EPN1: variants seen among roughly 807,000 people sequenced by gnomAD.
EPN1 encodes epsin-1.
In EPN1, 25 loss-of-function variants were observed where a neutral mutation model predicts 56.9. That is an observed-to-expected ratio of 0.44 (90% CI 0.32 to 0.61). The LOEUF is 0.61. Ranked by LOEUF, EPN1 falls within the 20% of genes least tolerant of loss-of-function variation. The pLI, the probability that EPN1 is intolerant of heterozygous loss-of-function variation, is 0.05. For missense variants in EPN1, 785 were observed against 823.7 expected (o/e 0.95, Z 0.58); for synonymous variants, 411 against 361.8 (o/e 1.14, Z -1.54).
rs1987147229 is a variant in EPN1 at position 55,701,656 on chromosome 19, G to A, written c.*6300G>A. On this transcript the variant is annotated 3_prime_UTR_variant, in exon 11 of 11. Coordinates refer to ENST00000270460, the MANE Select transcript of EPN1 (RefSeq NM_001130072.2). Reference sequence around the variant, plus strand: ...GAGCTTTCGGGACCCTGCCTGGCTTGTTCCTGTAAAACGGTCTTGTCTGTG... The same window carrying A: ...GAGCTTTCGGGACCCTGCCTGGCTTATTCCTGTAAAACGGTCTTGTCTGTG... The A allele has an allele frequency of 6.6e-6, 1 of 152,094 alleles. No individual in the cohort carries two copies. The highest frequency in any genetic ancestry group is 1.5e-5 in the Non-Finnish European group (1 of 68,032). The allele number at this position is 152,094 out of a possible 1,614,324, so 9.4% of individuals were successfully genotyped here.
rs1324277673 is a variant in EPN1, at chr19:55,706,299, T to TTTTTTTTTTTTTTTTTTTTTTA, written c.*10943_*10944insTTTTTTTTTTTTTTTTTTTTTA. 4.5e-5 allele frequency: 7 copies of TTTTTTTTTTTTTTTTTTTTTTA among 154,888 alleles called. No individual in the cohort carries two copies. Among genetic ancestry groups the TTTTTTTTTTTTTTTTTTTTTTA allele is most frequent in the African/African-American group, 1.5e-4 (6 of 39,352 alleles). The allele number at this position is 154,888 out of a possible 1,614,324, so 9.6% of individuals were successfully genotyped here. ...TTTCTTCTTCTTTTTTTTTTTTTTT[T>TTTTTTTTTTTTTTTTTTTTTTA]AAAAGACCGTGTTTCGCTCTGTCAC... On this transcript the variant is annotated 3_prime_UTR_variant, in exon 11 of 11. Coordinates refer to ENST00000270460, the MANE Select transcript of EPN1 (RefSeq NM_001130072.2).
rs772143341 is a variant in EPN1, at chr19:55,695,797, G to C, written c.*441G>C. The C allele has an allele frequency of 4.9e-5, 8 of 163,782 alleles. No individual in the cohort carries two copies. Among genetic ancestry groups the C allele is most frequent in the Non-Finnish European group, 1.1e-4 (8 of 75,710 alleles). 10.1% of individuals were successfully genotyped at this position (163,782 alleles called of 1,614,324 possible). On this transcript the variant is annotated 3_prime_UTR_variant, in exon 11 of 11. Coordinates refer to ENST00000270460, the MANE Select transcript of EPN1 (RefSeq NM_001130072.2). The surrounding 1 kb of genome is among the most constrained non-coding windows in gnomAD (Gnocchi z 4.4). ...CAGATTCCCATCTGTGATTTCGTGTGTCCCCCAGAGCCCCTTCATCCAGGG... is the reference window on the plus strand; with the variant it reads ...CAGATTCCCATCTGTGATTTCGTGTCTCCCCCAGAGCCCCTTCATCCAGGG...
Position 55,692,964 on chromosome 19 carries a change from C to G in EPN1, c.1191C>G (p.Phe397Leu), listed in dbSNP as rs202102235. The G allele has an allele frequency of 6.2e-7, 1 of 1,613,318 alleles. No individual in the cohort carries two copies. The highest frequency in any genetic ancestry group is 8.5e-7 in the Non-Finnish European group (1 of 1,179,738). The change falls in exon 9 of 11, where the codon TTC (phenylalanine) becomes TTG (leucine). Residue 397 changes from phenylalanine (F) to leucine (L), a missense_variant. Physicochemically the swap from Phe to Leu is conservative, Grantham distance 22. Coordinates refer to ENST00000270460, the MANE Select transcript of EPN1 (RefSeq NM_001130072.2). ...CTGACCCCACAGCAGCCGGGGGATTCGACACGGAGCCCGACGAGTTCTCTG... is the reference window on the plus strand; with the variant it reads ...CTGACCCCACAGCAGCCGGGGGATTGGACACGGAGCCCGACGAGTTCTCTG... ...STNGTTAAGG[F>L]DTEPDEFSDF...
chr19:55,702,973 G>T lies in EPN1; in HGVS notation c.*7617G>T, dbSNP rs918724693. Reference sequence around the variant, plus strand: ...CCACGCCCGGCTAAGCTAATTTTTTGTATTGTTAGTAGAGACGGGGTTTCA... The same window carrying T: ...CCACGCCCGGCTAAGCTAATTTTTTTTATTGTTAGTAGAGACGGGGTTTCA... On this transcript the variant is annotated 3_prime_UTR_variant, in exon 11 of 11. Coordinates refer to ENST00000270460, the MANE Select transcript of EPN1 (RefSeq NM_001130072.2). 6.6e-6 allele frequency: 1 copy of T among 151,930 alleles called. No homozygotes were observed. The highest frequency in any genetic ancestry group is 1.5e-5 in the Non-Finnish European group (1 of 67,998). 9.4% of individuals were successfully genotyped at this position (151,930 alleles called of 1,614,324 possible).
In EPN1 at chr19:55,705,727, C is replaced by T. The variant is rs1186880247; in HGVS notation, c.*10371C>T. ...AAGGTAGAGAAAATCTTGAAAGTATCGAGAAAATGACATGTCAATCATAAG... is the reference window on the plus strand; with the variant it reads ...AAGGTAGAGAAAATCTTGAAAGTATTGAGAAAATGACATGTCAATCATAAG... On this transcript the variant is annotated 3_prime_UTR_variant, in exon 11 of 11. Coordinates refer to ENST00000270460, the MANE Select transcript of EPN1 (RefSeq NM_001130072.2). 2 of 150,460 alleles carry T rather than the reference C, an allele frequency of 1.3e-5. No homozygotes were observed. The highest frequency in any genetic ancestry group is 1.9e-4 in the East Asian group (1 of 5,130). 9.3% of individuals were successfully genotyped at this position (150,460 alleles called of 1,614,324 possible).
chr19:55,681,063 G>C (rs1299175752), intron 2 of EPN1, among the ~76,000 whole-genome samples: 1 of 152,254 alleles, frequency 6.6e-6, no homozygotes, highest in Non-Finnish European at 1.5e-5. Context: ...GGGCCCATCT[G>C]TTCAGAGCCC....
intron 6 of EPN1, among the ~76,000 whole-genome samples, chr19:55,690,395 G>A (rs1341178047): frequency 6.6e-6 from 1 of 152,256 alleles, no homozygotes; most frequent in Admixed American, 6.5e-5. Flanking sequence ...CCGCCCTCGC[G>A]AACACTGTTT....
rs1234883573 is a variant in EPN1, at chr19:55,689,114, G to A, written c.603+120G>A. 3.6e-6 allele frequency: 5 copies of A among 1,370,498 alleles called. No individual in the cohort carries two copies. Among genetic ancestry groups the A allele is most frequent in the African/African-American group, 1.4e-5 (1 of 69,058 alleles). The allele number at this position is 1,370,498 out of a possible 1,614,324, so 84.9% of individuals were successfully genotyped here. A position where few individuals can be genotyped will look rare whatever the true frequency, so the allele number is the denominator to read the frequency against. ...GTCGCTGCTCCACATGCTGTCACTCGTCTCCTCCCCAGTCCTGCCTCATCC... is the reference window on the plus strand; with the variant it reads ...GTCGCTGCTCCACATGCTGTCACTCATCTCCTCCCCAGTCCTGCCTCATCC... On this transcript the variant is annotated intron_variant, in intron 4 of 10. Transcript: ENST00000270460. The surrounding 1 kb of genome is among the most constrained non-coding windows in gnomAD (Gnocchi z 5.7).
At chr19:55,686,970 C>T (rs1330680878) in intron 3 of EPN1, among the ~76,000 whole-genome samples, 4 of 152,072 alleles carry the variant, frequency 2.6e-5, no homozygotes, top group East Asian at 1.9e-4. Context: ...CTCTGCGTTG[C>T]TGGCCACGCC....
chr19:55,680,109 C>T (rs1458638078), intron 2 of EPN1, among the ~76,000 whole-genome samples: 3 of 152,192 alleles, frequency 2.0e-5, no homozygotes, highest in Middle Eastern at 3.4e-3. Flanking sequence ...CCAGGGTGGA[C>T]GGCAGGACAG....
chr19:55,708,479 C>G lies in EPN1; in HGVS notation c.*13123C>G, dbSNP rs903237414. On this transcript the variant is annotated 3_prime_UTR_variant, in exon 11 of 11. Coordinates refer to ENST00000270460, the MANE Select transcript of EPN1 (RefSeq NM_001130072.2). The stretch of plus-strand genomic sequence containing the variant: ...TATTGGACAAGAAAATTGATCAAAT[C>G]GAAATCTGGACAAACTAGAAAGTCT... 6.5e-6 allele frequency: 1 copy of G among 153,158 alleles called. No individual in the cohort carries two copies. Among genetic ancestry groups the G allele is most frequent in the South Asian group, 2.1e-4 (1 of 4,820 alleles). 9.5% of individuals were successfully genotyped at this position (153,158 alleles called of 1,614,324 possible).
At chr19:55,675,608 C>G (rs959012805) in intron 1 of EPN1, among the ~76,000 whole-genome samples, 173 bp downstream of exon 1, 20 of 152,200 alleles carry the variant, frequency 1.3e-4, no homozygotes, top group Non-Finnish European at 2.2e-4. Context: ...CTGTGTCTGT[C>G]TCTCTCGTGT....
Position 55,703,388 on chromosome 19 carries a change from A to C in EPN1, c.*8032A>C, listed in dbSNP as rs962432367. On this transcript the variant is annotated 3_prime_UTR_variant, in exon 11 of 11. Transcript: ENST00000270460. ...ACCCAGGCTAGAGTGCAATGGTGTG[A>C]TTTCGGCTCACTGCAACCTCTGCCT... 6.6e-6 allele frequency: 1 copy of C among 152,050 alleles called. No homozygotes were observed. Among genetic ancestry groups the C allele is most frequent in the Non-Finnish European group, 1.5e-5 (1 of 68,068 alleles). The allele number at this position is 152,050 out of a possible 1,614,324, so 9.4% of individuals were successfully genotyped here.
At chr19:55,675,789 C>G (rs1330260448) in intron 1 of EPN1, among the ~76,000 whole-genome samples, 2 of 152,236 alleles carry the variant, frequency 1.3e-5, no homozygotes, top group African/African-American at 4.8e-5. Context: ...CGTTGAGTTT[C>G]CGAGTCTTCT....
In EPN1 at chr19:55,708,038, G is replaced by C. The variant is rs1287146231; in HGVS notation, c.*12682G>C. On this transcript the variant is annotated 3_prime_UTR_variant, in exon 11 of 11. Coordinates refer to ENST00000270460, the MANE Select transcript of EPN1 (RefSeq NM_001130072.2). ...ATTGCTTAAACATATGGAAAACCTGGAAGTAAAATTAAGCAAGTAAGTGCG... is the reference window on the plus strand; with the variant it reads ...ATTGCTTAAACATATGGAAAACCTGCAAGTAAAATTAAGCAAGTAAGTGCG... The C allele has an allele frequency of 1.3e-5, 2 of 152,402 alleles. No individual in the cohort carries two copies. The highest frequency in any genetic ancestry group is 6.5e-5 in the Admixed American group (1 of 15,292). 9.4% of individuals were successfully genotyped at this position (152,402 alleles called of 1,614,324 possible).
At chr19:55,681,591 G>A (rs1985822750) in intron 2 of EPN1, among the ~76,000 whole-genome samples, 1 of 152,218 alleles carries the variant, frequency 6.6e-6, no homozygotes, top group African/African-American at 2.4e-5. Flanking sequence ...TTGAGACAGA[G>A]AGTATATGGC....
At chr19:55,685,326 G>A (rs890371945) in intron 2 of EPN1, 70 bp from the exon 3 acceptor site, 12 of 1,546,640 alleles carry the variant, frequency 7.8e-6, no homozygotes, top group African/African-American at 4.1e-5. Flanking sequence ...CCCAGAGCCC[G>A]CGTCGCAGGC....
At chr19:55,682,543 C>T (rs1215438182) in intron 2 of EPN1, among the ~76,000 whole-genome samples, 1 of 152,002 alleles carries the variant, frequency 6.6e-6, no homozygotes, top group East Asian at 1.9e-4. Context: ...CACAGCCTCC[C>T]AAGTAGCAGG....
intron 6 of EPN1, among the ~76,000 whole-genome samples, chr19:55,690,559 G>A (rs967620114): frequency 5.9e-5 from 9 of 152,272 alleles, no homozygotes; most frequent in South Asian, 2.1e-4. Flanking sequence ...CGGGGTGTCC[G>A]CACTGGCCTT....
Sources: gnomAD v4.1 joint callset for allele counts (sites outside exome capture counted in the v4.1 genomes callset) on GRCh38, gnomAD v4.1.1 for gene constraint, Gnocchi (gnomAD v3.1) non-coding constraint, MANE v1.5 for transcripts, NCBI Gene and HGNC (gene_info 2026-07-23, HGNC 2026-07-21) for gene names.